The following MYO16 variants were observed in gnomAD, a reference collection of about 807,000 sequenced individuals.
The protein encoded by MYO16 is myosin XVI, also known as unconventional myosin-XVI.
Under a neutral mutation model 205.3 loss-of-function variants are expected in MYO16, and 94 were observed. The observed-to-expected ratio is 0.46, with a 90% confidence interval of 0.39 to 0.54. The LOEUF (loss-of-function observed/expected upper bound fraction) is 0.54, where lower values mean the gene tolerates loss of function less well. Among genes scored for constraint, MYO16 ranks in the 20% least tolerant of loss-of-function variants. The probability of loss-of-function intolerance (pLI) is 0.00; values close to 1 mark genes in which losing one functional copy is unlikely to be tolerated. For synonymous variants in MYO16, 988 were observed against 954.0 expected (o/e 1.04, Z -0.66); for missense variants, 2,315 against 2,387.5 (o/e 0.97, Z 0.63).
chr13:109,028,018 G>T (rs1055630659), intron 23 of MYO16, among the ~76,000 whole-genome samples: 22 of 152,094 alleles, frequency 1.4e-4, no homozygotes, highest in Admixed American at 7.9e-4. Context: ...TCTTATAAAA[G>T]TGCTCACATT....
intron 2 of MYO16, among the ~76,000 whole-genome samples, chr13:108,705,917 A>G (rs1225948199): frequency 6.6e-6 from 1 of 152,176 alleles, no homozygotes; most frequent in Non-Finnish European, 1.5e-5. Context: ...TTAAAGAAGA[A>G]TTAATACTAG....
the MYO16 span, among the ~76,000 whole-genome samples, chr13:108,568,175 A>G: frequency 6.6e-6 from 1 of 152,168 alleles, no homozygotes; most frequent in Non-Finnish European, 1.5e-5. Flanking sequence ...GCATTCATGT[A>G]TAAGTTTTTT....
At chr13:108,905,788 C>G (rs1269112030) in intron 15 of MYO16, among the ~76,000 whole-genome samples, 1 of 150,914 alleles carries the variant, frequency 6.6e-6, no homozygotes, top group Non-Finnish European at 1.5e-5. Flanking sequence ...AAACTTTCCT[C>G]AAGAGCTTAC....
upstream of MYO16, among the ~76,000 whole-genome samples, chr13:108,593,646 A>G (rs1408469267): frequency 6.6e-6 from 1 of 152,216 alleles, no homozygotes; most frequent in African/African-American, 2.4e-5. Flanking sequence ...AACAGGTGTG[A>G]CTAGCTACTG....
intron 34 of MYO16, among the ~76,000 whole-genome samples, chr13:109,203,487 C>G (rs896650534): frequency 6.6e-6 from 1 of 151,236 alleles, no homozygotes; most frequent in Non-Finnish European, 1.5e-5. Context: ...TCCAGTGTTT[C>G]CATGAAGACA....
the MYO16 span, among the ~76,000 whole-genome samples, chr13:108,536,095 G>A: frequency 6.6e-6 from 1 of 152,086 alleles, no homozygotes; most frequent in African/African-American, 2.4e-5. Context: ...AACATTGCTA[G>A]ATGCGGTAAT....
intron 27 of MYO16, among the ~76,000 whole-genome samples, chr13:109,097,422 C>T (rs759848249): frequency 4.6e-5 from 7 of 152,126 alleles, no homozygotes; most frequent in South Asian, 2.1e-4. Flanking sequence ...AGCTTACTCC[C>T]GGTTCCCAAC....
Position 108,823,201 on chromosome 13 carries a change from T to C in MYO16, c.1020T>C (p.Pro340=). 6.2e-7 allele frequency: 1 copy of C among 1,613,272 alleles called. No individual in the cohort carries two copies. Among genetic ancestry groups the C allele is most frequent in the South Asian group, 1.1e-5 (1 of 91,052 alleles). The part of the protein sequence containing the change: ...EIAWEEKMKE[P]LSASTLAQEE... ...CCTGGGAAGAAAAAATGAAAGAGCC[T>C]TTATCTGCTTCTACCTTAGCTCAAG... Residue 340 remains proline (P), a synonymous_variant, in exon 9 of 35, where the codon CCT becomes CCC. Transcript: ENST00000457511.
At chr13:108,606,517 T>C (rs968752352) in intron 1 of MYO16, among the ~76,000 whole-genome samples, 2 of 152,174 alleles carry the variant, frequency 1.3e-5, no homozygotes, top group Admixed American at 1.3e-4. Context: ...TTCTGCATGA[T>C]ATTTGTCCTC....
the MYO16 span, among the ~76,000 whole-genome samples, chr13:108,589,444 C>T: frequency 0.015 from 2,357 of 152,206 alleles, 53 homozygotes; most frequent in African/African-American, 0.053. Flanking sequence ...ATTTATTTCG[C>T]TCCCTACTTT....
intron 11 of MYO16, among the ~76,000 whole-genome samples, chr13:108,857,820 A>C (rs1044897750): frequency 1.3e-5 from 2 of 152,156 alleles, no homozygotes; most frequent in African/African-American, 4.8e-5. Flanking sequence ...ACAGTGGACT[A>C]TCTTCTTAAA....
Position 108,969,947 on chromosome 13 carries a change from A to G in MYO16, c.2369+5045A>G, listed in dbSNP as rs148211164. 6.1e-3 allele frequency among the ~76,000 whole-genome samples: 922 copies of G among 152,298 alleles called. 5 individuals are homozygous for G. Among genetic ancestry groups the G allele is most frequent in the Non-Finnish European group, 0.01 (697 of 68,038 alleles). ...CATGGTCTGTTTTGCCTCATTACTGAAGAAACCCTTTTCCATTTTGTGATA... is the reference window on the plus strand; with the variant it reads ...CATGGTCTGTTTTGCCTCATTACTGGAGAAACCCTTTTCCATTTTGTGATA... On this transcript the variant is annotated intron_variant, in intron 20 of 34. Transcript: ENST00000457511.
At chr13:109,054,855 C>T (rs193229287) in intron 25 of MYO16, among the ~76,000 whole-genome samples, 191 bp from the exon 26 acceptor site, 32 of 151,970 alleles carry the variant, frequency 2.1e-4, no homozygotes, top group Non-Finnish European at 4.3e-4. Context: ...TAAATTTGCT[C>T]ACTTTTTCTT....
chr13:108,851,514 CTTT>C (rs1212844821), intron 10 of MYO16, among the ~76,000 whole-genome samples: 2 of 152,080 alleles, frequency 1.3e-5, no homozygotes, highest in Non-Finnish European at 2.9e-5. Context: ...TTCTAGATTC[CTTT>C]TATATCCAAA....
chr13:108,624,825 G>GTA (rs1476866709), upstream of MYO16, among the ~76,000 whole-genome samples: 1 of 150,058 alleles, frequency 6.7e-6, no homozygotes, highest in African/African-American at 2.5e-5. Context: ...GTGTGTGTGT[G>GTA]TATCTTCATA....
At chr13:108,734,048 A>T (rs922588898) in intron 4 of MYO16, among the ~76,000 whole-genome samples, 2 of 152,276 alleles carry the variant, frequency 1.3e-5, no homozygotes, top group Non-Finnish European at 2.9e-5. Flanking sequence ...GAACACAGAT[A>T]CTTAGCAAAT....
At chr13:109,060,483 G>A (rs981340301) in intron 27 of MYO16, among the ~76,000 whole-genome samples, 5 of 151,900 alleles carry the variant, frequency 3.3e-5, no homozygotes, top group African/African-American at 1.2e-4. Context: ...GGGGCCTGTC[G>A]GGGGCTGGGG....
chr13:108,774,572 C>T (rs1229999339), intron 4 of MYO16, among the ~76,000 whole-genome samples: 2 of 151,642 alleles, frequency 1.3e-5, no homozygotes, highest in African/African-American at 4.8e-5. Flanking sequence ...TTTTTCGGAG[C>T]CAAACTTAGA....
At chr13:108,951,039 CG>C (rs1451812143) in intron 16 of MYO16, among the ~76,000 whole-genome samples, 99 of 149,038 alleles carry the variant, frequency 6.6e-4, no homozygotes, top group African/African-American at 2.3e-3. Context: ...TTCCTCAAAA[CG>C]TTTTTTTGTT....
Sources: gnomAD v4.1 joint callset for allele counts (sites outside exome capture counted in the v4.1 genomes callset) on GRCh38, gnomAD v4.1.1 for gene constraint, MANE v1.5 for transcripts, NCBI Gene and HGNC (gene_info 2026-07-23, HGNC 2026-07-21) for gene names.